Variants in KIF27 observed in about 807,000 individuals in gnomAD.
KIF27 encodes the protein kinesin-like protein KIF27.
A neutral mutation model predicts 141.8 loss-of-function variants in KIF27; 84 were observed. The observed-to-expected ratio is 0.59, with a 90% CI of 0.50 to 0.71. KIF27 has a LOEUF of 0.71. Ranked by LOEUF, KIF27 falls within the 30% of genes least tolerant of loss-of-function variation. The pLI is 0.00. For synonymous variants in KIF27, 471 were observed against 569.5 expected, an observed-to-expected ratio of 0.83 and a Z score of 2.46; for missense variants, 1,306 against 1,628.4, an observed-to-expected ratio of 0.80 and a Z score of 3.41.
chr9:83,890,238 C>T (rs961894034), intron 6 of KIF27, among the ~76,000 whole-genome samples: 13 of 152,188 alleles, frequency 8.5e-5, no homozygotes, highest in Non-Finnish European at 1.5e-4. Context: ...GATTTTTGTG[C>T]TTCTGCTGTC....
At chr9:83,881,949 A>G (rs916078680) in intron 10 of KIF27, among the ~76,000 whole-genome samples, 5 of 152,238 alleles carry the variant, frequency 3.3e-5, no homozygotes, top group African/African-American at 1.2e-4. Context: ...AACGCTCTAC[A>G]TATACCTAAA....
rs557619851 is a variant in KIF27 at position 83,875,756 on chromosome 9, A to G, written c.2643+4541T>C. ...GAACTGTGCTGGATGCACAGTATTA[A>G]GATAAGGACTTTAGTGACAGAGAGA... On this transcript the variant is annotated intron_variant, in intron 11 of 17. Transcript: ENST00000297814. 1.8e-3 allele frequency among the ~76,000 whole-genome samples: 277 copies of G among 152,342 alleles called. 2 individuals are homozygous for G. Among genetic ancestry groups the G allele is most frequent in the Middle Eastern group, 6.8e-3 (2 of 294 alleles).
chr9:83,913,358 C>T (rs1955373860), intron 2 of KIF27, among the ~76,000 whole-genome samples: 1 of 152,078 alleles, frequency 6.6e-6, no homozygotes, highest in Admixed American at 6.5e-5. Flanking sequence ...TGGTCTATAA[C>T]CAAAAAGCTG....
chr9:83,849,485 C>T (rs1948280772), intron 16 of KIF27: 1 of 152,248 alleles, frequency 6.6e-6, no homozygotes, highest in Non-Finnish European at 1.5e-5. Context: ...ATTTTGCTGC[C>T]ATAGTAGCTG....
intron 16 of KIF27, among the ~76,000 whole-genome samples, chr9:83,848,217 GATATATCAGATATGAT>G (rs1477721893): frequency 2.0e-4 from 16 of 81,496 alleles, no homozygotes; most frequent in Admixed American, 1.2e-4. Context: ...TGATATATAT[GATATATCAGATATGAT>G]ATATATGATA....
intron 15 of KIF27, among the ~76,000 whole-genome samples, chr9:83,851,992 G>A (rs1190700258): frequency 6.6e-6 from 1 of 151,868 alleles, no homozygotes; most frequent in African/African-American, 2.4e-5. Context: ...GCTGGGCATG[G>A]CAGCACACGC....
At chr9:83,908,712 C>G (rs576895810) in intron 2 of KIF27, 60 bp from the exon 3 acceptor site, 52 of 1,015,348 alleles carry the variant, frequency 5.1e-5, no homozygotes, top group Non-Finnish European at 6.8e-5. Context: ...AGCTACAACC[C>G]CAAATTTATA....
chr9:83,905,775 T>A (rs1451187992), intron 3 of KIF27, among the ~76,000 whole-genome samples: 1 of 152,160 alleles, frequency 6.6e-6, no homozygotes, highest in African/African-American at 2.4e-5. Flanking sequence ...TAAATCAGAA[T>A]CCCTGTGAAG....
chr9:83,852,794 A>T (rs529007939), intron 15 of KIF27, among the ~76,000 whole-genome samples: 144 of 152,096 alleles, frequency 9.5e-4, no homozygotes, highest in Middle Eastern at 3.4e-3. Flanking sequence ...ATACCCGGCT[A>T]ATTTTGGTAT....
In KIF27 at chr9:83,867,924, A is replaced by G. The variant is rs987660658; in HGVS notation, c.2758-64T>C. The G allele has an allele frequency of 4.8e-6, 7 of 1,443,312 alleles. No homozygotes were observed. In the Admixed American group the frequency reaches 7.8e-5, roughly 16 times the overall value. 89.4% of individuals were successfully genotyped at this position (1,443,312 alleles called of 1,614,324 possible). On this transcript the variant is annotated intron_variant, in intron 12 of 17. Transcript: ENST00000297814. Reference sequence around the variant, plus strand: ...TCTGCCATAAAAATTATATGGTAATAATAGAATTTCAGATTGGCTGAAATC... The same window carrying G: ...TCTGCCATAAAAATTATATGGTAATGATAGAATTTCAGATTGGCTGAAATC...
intron 3 of KIF27, among the ~76,000 whole-genome samples, chr9:83,905,295 T>C (rs1231844753): frequency 2.0e-5 from 3 of 152,080 alleles, no homozygotes; most frequent in Non-Finnish European, 2.9e-5. Context: ...ATTTTTTGTA[T>C]TTTTAGTACA....
chr9:83,903,481 G>A lies in KIF27; in HGVS notation c.1037C>T (p.Thr346Ile), dbSNP rs1454938551. Reference sequence around the variant, plus strand: ...GTCTGACTCGGGGCTGAAGTTTACAGTGGGTTTGTTTCTAATGTTCCGTGC... The same window carrying A: ...GTCTGACTCGGGGCTGAAGTTTACAATGGGTTTGTTTCTAATGTTCCGTGC... ...NRARNIRNKP[T>I]VNFSPESDRI... Residue 346 changes from threonine to isoleucine, a missense_variant, in exon 4 of 18, where the codon ACT becomes ATT. Thr to Ile is a moderately conservative substitution (Grantham distance 89, BLOSUM62 -1). Around this residue, in one of 4 missense-constraint regions of KIF27, gnomAD observed 533 missense variants for 565.6 expected, o/e 0.94. Transcript: ENST00000297814. 5.0e-6 allele frequency: 8 copies of A among 1,614,052 alleles called. No homozygotes were observed. The Admixed American group carries it at 6.7e-5, about 13-fold the overall frequency.
At chr9:83,851,209 T>C (rs1948546930) in intron 15 of KIF27, among the ~76,000 whole-genome samples, 1 of 152,152 alleles carries the variant, frequency 6.6e-6, no homozygotes, top group African/African-American at 2.4e-5. Context: ...ATCTATGCAG[T>C]TTACATTTAA....
In KIF27 at chr9:83,837,431, T is replaced by A. The variant is rs1248579450; in HGVS notation, c.3776A>T (p.Glu1259Val). 1 of 1,613,592 alleles carries A rather than the reference T, an allele frequency of 6.2e-7. No homozygotes were observed. The highest frequency in any genetic ancestry group is 1.1e-5 in the South Asian group (1 of 90,918). Residue 1259 changes from glutamate (E) to valine (V), a missense_variant, in exon 18 of 18, where the codon GAA (glutamate) becomes GTA (valine). Coordinates refer to ENST00000297814, the MANE Select transcript of KIF27 (RefSeq NM_017576.4). ...AGGTCTGGATGCCCATTTTAATTCT[T>A]CTGAAAGCATGCCTCCTCCTTCTGG... Reference protein sequence around the residue: ...LKPEGGGMLSEELKWASRPES... With the variant: ...LKPEGGGMLSVELKWASRPES...
intron 2 of KIF27, among the ~76,000 whole-genome samples, chr9:83,909,473 G>A (rs1368144448): frequency 1.3e-5 from 2 of 152,144 alleles, no homozygotes; most frequent in Admixed American, 1.3e-4. Flanking sequence ...AGCTAGCTAG[G>A]TGTGGTGGCC....
chr9:83,914,885 G>A (rs1479226719), intron 2 of KIF27, among the ~76,000 whole-genome samples: 1 of 152,136 alleles, frequency 6.6e-6, no homozygotes, highest in African/African-American at 2.4e-5. Context: ...GCTAGAATAT[G>A]AAAAAGAAAA....
chr9:83,848,201 CAGATATGAT>C (rs1168140262), intron 16 of KIF27, among the ~76,000 whole-genome samples: 11 of 56,280 alleles, frequency 2.0e-4, no homozygotes, highest in African/African-American at 5.6e-4. Flanking sequence ...TATGATATAT[CAGATATGAT>C]ATATATGATA....
chr9:83,913,844 T>C (rs1955433703), intron 2 of KIF27, among the ~76,000 whole-genome samples: 1 of 152,210 alleles, frequency 6.6e-6, no homozygotes, highest in Admixed American at 6.5e-5. Flanking sequence ...GTGAGTAATA[T>C]GCATCAAACT....
rs184138655 is a variant in KIF27 at position 83,853,267 on chromosome 9, C to T, written c.3357+362G>A. Reference sequence around the variant, plus strand: ...AGCAATGAAGGAAAGGGAATCAAAACTTGGAGGGCCCTTGATTTTTCATGA... The same window carrying T: ...AGCAATGAAGGAAAGGGAATCAAAATTTGGAGGGCCCTTGATTTTTCATGA... On this transcript the variant is annotated intron_variant, in intron 15 of 17. Coordinates refer to ENST00000297814, the MANE Select transcript of KIF27 (RefSeq NM_017576.4). Among the ~76,000 whole-genome samples the T allele has an allele frequency of 2.6e-5, 4 of 152,136 alleles. No individual in the cohort carries two copies. The East Asian group carries it at 7.7e-4, about 29-fold the overall frequency.
Sources: allele counts gnomAD v4.1 joint callset (sites outside exome capture counted in the v4.1 genomes callset), GRCh38; gene constraint gnomAD v4.1.1; regional missense constraint gnomAD v4.1.1; transcripts MANE v1.5; gene names NCBI Gene and HGNC (gene_info 2026-07-23, HGNC 2026-07-21).